The following KLHL32 variants were observed in gnomAD, a reference collection of about 807,000 sequenced individuals.
KLHL32 encodes the protein kelch-like protein 32.
Under a neutral mutation model 64.8 loss-of-function variants are expected in KLHL32, and 35 were observed. The observed-to-expected ratio is 0.54, with a 90% CI of 0.41 to 0.72. The LOEUF (loss-of-function observed/expected upper bound fraction) is 0.72. Among genes scored for constraint, KLHL32 ranks in the 30% least tolerant of loss-of-function variants. KLHL32 has a pLI of 0.00. For missense variants in KLHL32, 589 were observed against 768.5 expected (o/e 0.77, Z 2.76); for synonymous variants, 259 against 281.0 (o/e 0.92, Z 0.78).
At chr6:97,106,099 GAAT>G (rs1279757106) in intron 6 of KLHL32, among the ~76,000 whole-genome samples, 1 of 152,058 alleles carries the variant, frequency 6.6e-6, no homozygotes, top group Non-Finnish European at 1.5e-5. Flanking sequence ...AAAGAATCAG[GAAT>G]TTTAGATATC....
In KLHL32 at chr6:97,112,586, A is replaced by T. The variant is rs571634039; in HGVS notation, c.628-1197A>T. Among the ~76,000 whole-genome samples the T allele has an allele frequency of 3.8e-4, 58 of 152,002 alleles. 1 individual carries two copies. The South Asian group carries it at 7.1e-3, about 19-fold the overall frequency. On this transcript the variant is annotated intron_variant, in intron 6 of 10. Transcript: ENST00000369261. ...CTCAGCCTCCCGAGTAGCTGGGACT[A>T]CAGGCACGTGCCACCACGCCCAGCT...
rs1299506881 is a variant in KLHL32 at position 97,089,789 on chromosome 6, A to AAG, written c.627+4449_627+4450insGA. On this transcript the variant is annotated intron_variant, in intron 6 of 10. Transcript: ENST00000369261. Reference sequence around the variant, plus strand: ...AATGAAACTCCAGCTAAAAAAAAAAAAAAAAAGAACAGTACTTTTCTTACT... The same window carrying AAG: ...AATGAAACTCCAGCTAAAAAAAAAAAAGAAAAAAGAACAGTACTTTTCTTACT... Among the ~76,000 whole-genome samples the AAG allele has an allele frequency of 3.3e-5, 5 of 151,956 alleles. No individual in the cohort carries two copies. In the East Asian group the frequency reaches 9.7e-4, roughly 29 times the overall value.
chr6:97,094,315 T>A (rs930562935), intron 6 of KLHL32, among the ~76,000 whole-genome samples: 3 of 152,116 alleles, frequency 2.0e-5, no homozygotes, highest in African/African-American at 7.2e-5. Context: ...CTAGAATTAT[T>A]TACATTCTAA....
intron 5 of KLHL32, among the ~76,000 whole-genome samples, chr6:97,075,593 T>C (rs1791473630): frequency 6.6e-6 from 1 of 152,132 alleles, no homozygotes; most frequent in African/African-American, 2.4e-5. Flanking sequence ...ATTAAAAGGT[T>C]TGGATTTTGT....
intron 6 of KLHL32, among the ~76,000 whole-genome samples, chr6:97,111,175 C>T (rs1797083230): frequency 6.6e-6 from 1 of 152,160 alleles, no homozygotes; most frequent in Non-Finnish European, 1.5e-5. Flanking sequence ...GTGGCTAAGC[C>T]TCCATGAAGG....
chr6:96,951,973 T>C (rs1337726708), intron 1 of KLHL32, among the ~76,000 whole-genome samples: 1 of 152,206 alleles, frequency 6.6e-6, no homozygotes, highest in African/African-American at 2.4e-5. Context: ...GTGTGAAGTT[T>C]GCACATTCTC....
At chr6:97,101,687 T>G (rs1164556273) in intron 6 of KLHL32, among the ~76,000 whole-genome samples, 1 of 152,238 alleles carries the variant, frequency 6.6e-6, no homozygotes, top group African/African-American at 2.4e-5. Context: ...CTTAAATTAC[T>G]GGATTAGAAT....
At chr6:97,055,241 C>T (rs944726034) in intron 4 of KLHL32, among the ~76,000 whole-genome samples, 1 of 152,092 alleles carries the variant, frequency 6.6e-6, no homozygotes, top group African/African-American at 2.4e-5. Context: ...GAAAAGTCAC[C>T]GTCCATTGAG....
chr6:97,103,713 C>G (rs1029724504), intron 6 of KLHL32, among the ~76,000 whole-genome samples: 2 of 152,194 alleles, frequency 1.3e-5, no homozygotes, highest in African/African-American at 4.8e-5. Context: ...TGCATGTGCA[C>G]TTTCATACAT....
At chr6:96,921,054 A>G (rs1429101319), upstream of KLHL32, among the ~76,000 whole-genome samples, 3 of 152,208 alleles carry the variant, frequency 2.0e-5, no homozygotes, top group East Asian at 5.8e-4. Flanking sequence ...TAGGTATTGT[A>G]ATCTTTTTAT....
At chr6:97,121,293 T>C (rs1055185390) in intron 7 of KLHL32, among the ~76,000 whole-genome samples, 3 of 152,126 alleles carry the variant, frequency 2.0e-5, no homozygotes, top group Admixed American at 6.5e-5. Flanking sequence ...ACAGTGAAGG[T>C]CTGCAAAATA....
intron 4 of KLHL32, among the ~76,000 whole-genome samples, chr6:97,062,060 A>G (rs777311034): frequency 6.6e-6 from 1 of 152,220 alleles, no homozygotes; most frequent in Non-Finnish European, 1.5e-5. Context: ...TAATGAGTGG[A>G]AGGAAAAAAC....
intron 3 of KLHL32, among the ~76,000 whole-genome samples, chr6:97,008,254 C>T (rs1461314461): frequency 6.6e-6 from 1 of 152,060 alleles, no homozygotes; most frequent in African/African-American, 2.4e-5. Context: ...CTGGAACTCT[C>T]TGACAGTCAG....
intron 4 of KLHL32, among the ~76,000 whole-genome samples, chr6:97,056,991 A>G (rs183898799): frequency 6.6e-6 from 1 of 152,190 alleles, no homozygotes; most frequent in Admixed American, 6.5e-5. Flanking sequence ...ATAAAACTCT[A>G]TTTATACTTA....
Position 97,024,312 on chromosome 6 carries a change from C to G in KLHL32, c.205-17180C>G, listed in dbSNP as rs370298566. On this transcript the variant is annotated intron_variant, in intron 3 of 10. Transcript: ENST00000369261. ...AGCCACATAGCTGCTGTAATAGAGT[C>G]TGCACATGGTGGTGGGATAAGGCTG... 3.9e-5 allele frequency among the ~76,000 whole-genome samples: 6 copies of G among 152,140 alleles called. No individual in the cohort carries two copies. In the Middle Eastern group the frequency reaches 0.014, roughly 350 times the overall value.
At chr6:96,996,483 T>A (rs1778432854) in intron 3 of KLHL32, among the ~76,000 whole-genome samples, 1 of 152,138 alleles carries the variant, frequency 6.6e-6, no homozygotes, top group Admixed American at 6.5e-5. Flanking sequence ...GAGTATAATA[T>A]GTAATTAGAA....
chr6:96,934,704 G>A (rs56384335), intron 1 of KLHL32, among the ~76,000 whole-genome samples: 1,768 of 152,260 alleles, frequency 0.012, 16 homozygotes, highest in Non-Finnish European at 0.02. Context: ...ATGGTAGCTC[G>A]GTTGATTAAT....
intron 3 of KLHL32, among the ~76,000 whole-genome samples, chr6:97,023,161 A>C (rs1398164405): frequency 2.0e-5 from 3 of 152,218 alleles, no homozygotes; most frequent in African/African-American, 7.2e-5. Context: ...CAGAGATCCA[A>C]ACCATATCAA....
rs968404821 is a variant in KLHL32 at position 96,961,227 on chromosome 6, T to C, written c.-65-5769T>C. 5.9e-5 allele frequency among the ~76,000 whole-genome samples: 9 copies of C among 152,188 alleles called. No individual in the cohort carries two copies. The South Asian group carries it at 6.2e-4, about 10-fold the overall frequency. On this transcript the variant is annotated intron_variant, in intron 1 of 10. Transcript: ENST00000369261. Reference sequence around the variant, plus strand: ...ATTATATAGGGTTAAATAAAACCCCTTGGATGAGATTTTTTGGTTTGTAGG... The same window carrying C: ...ATTATATAGGGTTAAATAAAACCCCCTGGATGAGATTTTTTGGTTTGTAGG...
Sources: gnomAD v4.1 joint callset for allele counts (sites outside exome capture counted in the v4.1 genomes callset) on GRCh38, gnomAD v4.1.1 for gene constraint, MANE v1.5 for transcripts, NCBI Gene and HGNC (gene_info 2026-07-23, HGNC 2026-07-21) for gene names.